GREM2: variants seen among roughly 807,000 people sequenced by gnomAD.
The protein encoded by GREM2 is gremlin-2.
Under a neutral mutation model 14.2 loss-of-function variants are expected in GREM2, and 11 were observed. That is an observed-to-expected ratio of 0.78 (90% confidence interval 0.49 to 1.28). GREM2 has a LOEUF of 1.28. Among genes scored for constraint, GREM2 ranks in the 50% most tolerant of loss-of-function variants. GREM2 has a pLI of 0.00. For synonymous variants in GREM2, 98 were observed against 97.6 expected (o/e 1.00, Z -0.02); for missense variants, 210 against 218.5 (o/e 0.96, Z 0.24).
chr1:240,566,298 C>T (rs1679176800), intron 1 of GREM2, among the ~76,000 whole-genome samples: 1 of 152,148 alleles, frequency 6.6e-6, no homozygotes. Flanking sequence ...CCAGGCTAAA[C>T]CAGAACAAAC....
intron 1 of GREM2, among the ~76,000 whole-genome samples, chr1:240,546,719 A>T (rs1056602849): frequency 1.3e-5 from 2 of 152,186 alleles, no homozygotes; most frequent in African/African-American, 4.8e-5. Flanking sequence ...AACACTGTCC[A>T]TGGTATCTTT....
intron 1 of GREM2, among the ~76,000 whole-genome samples, chr1:240,558,449 A>G (rs1214011929): frequency 2.6e-5 from 4 of 152,066 alleles, no homozygotes; most frequent in Admixed American, 1.3e-4. Context: ...ATGACATTGA[A>G]ATTAATTAAT....
rs1677209953 is a variant in GREM2 at position 240,489,935 on chromosome 1, C to T, written c.*3034G>A. 6.6e-6 allele frequency: 1 copy of T among 152,212 alleles called. No individual in the cohort carries two copies. Among genetic ancestry groups the T allele is most frequent in the Admixed American group, 6.5e-5 (1 of 15,288 alleles). The allele number at this position is 152,212 out of a possible 1,614,324, so 9.4% of individuals were successfully genotyped here. A position where few individuals can be genotyped will look rare whatever the true frequency, so the allele number is the denominator to read the frequency against. On this transcript the variant is annotated 3_prime_UTR_variant, in exon 2 of 2. Coordinates refer to ENST00000318160, the MANE Select transcript of GREM2 (RefSeq NM_022469.4). ...TTGAGTTTAATTCCTTTGAAGCCTA[C>T]ACAGTGGATCAACCATGTGCAGTTT...
rs548181147 is a variant in GREM2 at position 240,510,107 on chromosome 1, C to T, written c.-1-16631G>A. On this transcript the variant is annotated intron_variant, in intron 1 of 1. Transcript: ENST00000318160. ...ATGGTAGGCCGGGTGCGGTGGCTCA[C>T]GCCTGTAATCCCAGCACTTTGGGAG... Among the ~76,000 whole-genome samples the T allele has an allele frequency of 1.1e-4, 16 of 152,226 alleles. 1 individual carries two copies. In the South Asian group the frequency reaches 2.1e-3, roughly 20 times the overall value.
At chr1:240,581,088 A>G (rs914433328) in intron 1 of GREM2, among the ~76,000 whole-genome samples, 1 of 151,974 alleles carries the variant, frequency 6.6e-6, no homozygotes, top group Non-Finnish European at 1.5e-5. Context: ...TGTCTCTACT[A>G]AAAATACAAA....
At chr1:240,494,004 G>A (rs1677339360) in intron 1 of GREM2, among the ~76,000 whole-genome samples, 1 of 152,270 alleles carries the variant, frequency 6.6e-6, no homozygotes, top group Admixed American at 6.5e-5. Context: ...AGTAACTTAT[G>A]CAGTAAATGC....
At chr1:240,547,532 T>TATATATATATATATATAGACAGATAG (rs1187770486) in intron 1 of GREM2, among the ~76,000 whole-genome samples, 10 of 121,868 alleles carry the variant, frequency 8.2e-5, no homozygotes, top group African/African-American at 3.7e-4. Context: ...TATATATATA[T>TATATATATATATATATAGACAGATAG]ATAGATAGAT....
intron 1 of GREM2, among the ~76,000 whole-genome samples, chr1:240,544,236 C>T (rs1678663515): frequency 6.6e-6 from 1 of 151,844 alleles, no homozygotes; most frequent in Non-Finnish European, 1.5e-5. Context: ...TAAGTTCCGC[C>T]TCCTGGGTTC....
At chr1:240,526,498 A>G (rs1010219384) in intron 1 of GREM2, among the ~76,000 whole-genome samples, 7 of 152,180 alleles carry the variant, frequency 4.6e-5, no homozygotes, top group African/African-American at 1.7e-4. Flanking sequence ...TCAGCCATCC[A>G]GTAGAGCCCT....
Position 240,543,772 on chromosome 1 carries a change from T to C in GREM2, c.-1-50296A>G, listed in dbSNP as rs1379473081. On this transcript the variant is annotated intron_variant, in intron 1 of 1. Transcript: ENST00000318160. The surrounding 1 kb of genome is among the most constrained non-coding windows in gnomAD (Gnocchi z 6.4). Reference sequence around the variant, plus strand: ...TTATAGAAATTACTAAGTAATTATATTTCAAAAGGGATTGATATACAGGCC... The same window carrying C: ...TTATAGAAATTACTAAGTAATTATACTTCAAAAGGGATTGATATACAGGCC... 6.6e-6 allele frequency among the ~76,000 whole-genome samples: 1 copy of C among 152,222 alleles called. No homozygotes were observed. The highest frequency in any genetic ancestry group is 1.5e-5 in the Non-Finnish European group (1 of 68,038).
intron 1 of GREM2, among the ~76,000 whole-genome samples, chr1:240,569,172 T>C (rs1428185145): frequency 6.6e-6 from 1 of 152,180 alleles, no homozygotes; most frequent in Admixed American, 6.6e-5. Context: ...CATTAAAAAC[T>C]ACAGAATATT....
intron 1 of GREM2, among the ~76,000 whole-genome samples, chr1:240,577,470 G>C (rs1679395592): frequency 6.6e-6 from 1 of 152,126 alleles, no homozygotes; most frequent in Non-Finnish European, 1.5e-5. Flanking sequence ...TCTTTGTTCA[G>C]TTTGGGTTCT....
chr1:240,603,648 C>T (rs1382747405), intron 1 of GREM2, among the ~76,000 whole-genome samples: 2 of 152,022 alleles, frequency 1.3e-5, no homozygotes, highest in African/African-American at 4.8e-5. Flanking sequence ...CCTGTTCTTC[C>T]CCATGGACTG....
At position 240,542,612 on chromosome 1, in the gene GREM2, T is replaced by G. The variant is rs150791116; in HGVS notation, c.-1-49136A>C. 8.5e-3 allele frequency among the ~76,000 whole-genome samples: 1,290 copies of G among 151,794 alleles called. 17 individuals carry two copies. The highest frequency in any genetic ancestry group is 0.029 in the African/African-American group (1,185 of 41,406). On this transcript the variant is annotated intron_variant, in intron 1 of 1. Transcript: ENST00000318160. The surrounding 1 kb of genome is among the most constrained non-coding windows in gnomAD (Gnocchi z 4.1). ...CCTAGTGACAGAGCGAGACTCCATCTCAAAAATAAATAAATAAATAAATAA... is the reference window on the plus strand; with the variant it reads ...CCTAGTGACAGAGCGAGACTCCATCGCAAAAATAAATAAATAAATAAATAA...
chr1:240,603,828 T>C (rs952431403), intron 1 of GREM2, among the ~76,000 whole-genome samples: 1 of 148,684 alleles, frequency 6.7e-6, no homozygotes, highest in African/African-American at 2.5e-5. Flanking sequence ...GTGTTATATA[T>C]GTATTTTATA....
chr1:240,505,746 T>C (rs920518214), intron 1 of GREM2, among the ~76,000 whole-genome samples: 6 of 123,970 alleles, frequency 4.8e-5, no homozygotes, highest in African/African-American at 1.0e-4. Flanking sequence ...AAAAGAATGA[T>C]AGGAAAAAAA....
chr1:240,507,133 T>G (rs573527398), intron 1 of GREM2, among the ~76,000 whole-genome samples: 350 of 152,288 alleles, frequency 2.3e-3, no homozygotes, highest in Non-Finnish European at 3.7e-3. Flanking sequence ...AACACGGGCC[T>G]CAGAAAATTG....
intron 1 of GREM2, among the ~76,000 whole-genome samples, chr1:240,517,396 A>C (rs1677977641): frequency 6.6e-6 from 1 of 152,184 alleles, no homozygotes; most frequent in South Asian, 2.1e-4. Context: ...AAGGAGTCTC[A>C]CATTTTTGTT....
intron 1 of GREM2, among the ~76,000 whole-genome samples, chr1:240,526,118 C>G (rs567477781): frequency 6.6e-6 from 1 of 152,140 alleles, no homozygotes; most frequent in African/African-American, 2.4e-5. Flanking sequence ...AGGTCCTTAA[C>G]TGAATCATAT....
Sources: gnomAD v4.1 joint callset for allele counts (sites outside exome capture counted in the v4.1 genomes callset) on GRCh38, gnomAD v4.1.1 for gene constraint, Gnocchi (gnomAD v3.1) non-coding constraint, MANE v1.5 for transcripts, NCBI Gene and HGNC (gene_info 2026-07-23, HGNC 2026-07-21) for gene names.